The following CTNND2 variants were observed in gnomAD, a reference collection of about 807,000 sequenced individuals.
CTNND2 encodes the protein catenin delta 2, also known as catenin delta-2.
In CTNND2, 22 loss-of-function variants were observed where a neutral mutation model predicts 144.4. That is an observed-to-expected ratio of 0.15 (90% CI 0.11 to 0.22). CTNND2 has a LOEUF of 0.22. Ranked by LOEUF, CTNND2 falls within the 10% of genes least tolerant of loss-of-function variation. The pLI, the probability that CTNND2 is intolerant of heterozygous loss-of-function variation, is 1.00. For synonymous variants in CTNND2, 751 were observed against 695.6 expected (o/e 1.08, Z -1.25); for missense variants, 1,353 against 1,618.8 (o/e 0.84, Z 2.82).
intron 1 of CTNND2, among the ~76,000 whole-genome samples, chr5:11,814,222 A>G (rs1792505784): frequency 6.6e-6 from 1 of 152,248 alleles, no homozygotes; most frequent in Non-Finnish European, 1.5e-5. Flanking sequence ...TTACATAAAT[A>G]TAAAATGCAT....
In CTNND2 at chr5:11,286,118, G is replaced by T. The variant is rs550154744; in HGVS notation, c.1629-49295C>A. On this transcript the variant is annotated intron_variant, in intron 9 of 21. Transcript: ENST00000304623. ...GTTGAAGACATATTTGGGAACAAAT[G>T]TGAAAGGTTAAACTTAAATATTTAA... is the stretch of plus-strand genomic sequence containing the variant. Among the ~76,000 whole-genome samples, 4 of 152,014 alleles carry T rather than the reference G, an allele frequency of 2.6e-5. No homozygotes were observed. The South Asian group carries it at 8.3e-4, about 32-fold the overall frequency.
At chr5:11,629,030 T>C (rs977651163) in intron 2 of CTNND2, among the ~76,000 whole-genome samples, 2 of 152,136 alleles carry the variant, frequency 1.3e-5, no homozygotes, top group East Asian at 1.9e-4. Flanking sequence ...TGACACATAA[T>C]TGGGAGTGCT....
At chr5:11,101,363 GGTA>G (rs1751860767) in intron 14 of CTNND2, among the ~76,000 whole-genome samples, 1 of 152,204 alleles carries the variant, frequency 6.6e-6, no homozygotes, top group South Asian at 2.1e-4. Flanking sequence ...ACATCAACAA[GGTA>G]GTAGGGCAAT....
chr5:11,804,873 G>T (rs1791906917), intron 1 of CTNND2, among the ~76,000 whole-genome samples: 1 of 152,170 alleles, frequency 6.6e-6, no homozygotes, highest in Admixed American at 6.5e-5. Context: ...GGAATCTGAG[G>T]ATGAAATGCC....
intron 1 of CTNND2, among the ~76,000 whole-genome samples, chr5:11,803,479 T>C (rs547818740): frequency 3.3e-5 from 5 of 152,306 alleles, no homozygotes; most frequent in Non-Finnish European, 5.9e-5. Flanking sequence ...CTACTTATGA[T>C]AGGATGACAT....
intron 1 of CTNND2, among the ~76,000 whole-genome samples, chr5:11,822,376 C>T (rs748763614): frequency 3.9e-5 from 6 of 152,112 alleles, no homozygotes; most frequent in African/African-American, 7.2e-5. Context: ...GCAGTGTATG[C>T]GTTTCAAATT....
intron 1 of CTNND2, among the ~76,000 whole-genome samples, chr5:11,743,069 A>G (rs1028631067): frequency 2.0e-5 from 3 of 152,228 alleles, no homozygotes; most frequent in African/African-American, 7.2e-5. Context: ...CGCTTATCAT[A>G]ATATAAACAA....
intron 3 of CTNND2, among the ~76,000 whole-genome samples, chr5:11,487,993 G>C (rs1275738137): frequency 1.3e-5 from 2 of 152,162 alleles, no homozygotes; most frequent in Non-Finnish European, 2.9e-5. Flanking sequence ...AAGATGAACA[G>C]GGAAGATGCA....
intron 19 of CTNND2, 51 bp downstream of exon 19, chr5:10,992,499 CT>C (rs759328574): frequency 5.1e-5 from 83 of 1,611,716 alleles, no homozygotes; most frequent in Non-Finnish European, 6.7e-5. Flanking sequence ...GAAGGACCGT[CT>C]TTGCTCAACG....
At chr5:11,540,003 C>T (rs1183771288) in intron 3 of CTNND2, among the ~76,000 whole-genome samples, 2 of 152,168 alleles carry the variant, frequency 1.3e-5, no homozygotes, top group African/African-American at 4.8e-5. Context: ...CACTGCACTC[C>T]AGCCTGGGCA....
chr5:11,664,715 C>T lies in CTNND2; in HGVS notation c.174+67421G>A, dbSNP rs1333313137. Among the ~76,000 whole-genome samples the T allele has an allele frequency of 2.6e-5, 4 of 152,144 alleles. No individual in the cohort carries two copies. In the East Asian group the frequency reaches 7.7e-4, roughly 29 times the overall value. ...GCCTTCGGGTTGAGATCCTTTTCAT[C>T]TAAATTATTACCTCCAATTCATTTC... On this transcript the variant is annotated intron_variant, in intron 2 of 21. Transcript: ENST00000304623.
At chr5:11,894,468 C>T (rs1328966111) in intron 1 of CTNND2, among the ~76,000 whole-genome samples, 1 of 152,174 alleles carries the variant, frequency 6.6e-6, no homozygotes, top group Non-Finnish European at 1.5e-5. Context: ...TTTACAACCA[C>T]TATGGAAGTG....
At chr5:11,506,186 G>A (rs1208667962) in intron 3 of CTNND2, among the ~76,000 whole-genome samples, 3 of 152,076 alleles carry the variant, frequency 2.0e-5, no homozygotes. Flanking sequence ...TACATATTAG[G>A]GGGCTATCAT....
chr5:11,529,976 C>T (rs7731185), intron 3 of CTNND2, among the ~76,000 whole-genome samples: 33,800 of 150,724 alleles, frequency 0.22, 3,981 homozygotes, highest in East Asian at 0.3. Flanking sequence ...TATAAGATTG[C>T]TTTTTAAAGC....
intron 1 of CTNND2, among the ~76,000 whole-genome samples, chr5:11,793,798 G>A (rs1791260173): frequency 6.6e-6 from 1 of 152,180 alleles, no homozygotes; most frequent in South Asian, 2.1e-4. Context: ...CTCATAGAGT[G>A]ATCAGTCTAT....
rs138831982 is a variant in CTNND2, at chr5:11,245,869, G to A, written c.1629-9046C>T. Among the ~76,000 whole-genome samples the A allele has an allele frequency of 8.9e-3, 1,358 of 152,252 alleles. 33 individuals are homozygous for A. Among genetic ancestry groups the A allele is most frequent in the Admixed American group, 0.042 (650 of 15,298 alleles). ...TCTGATTCCAATTTGGAGAGTCTTC[G>A]ATGTGACTTTTGATTATGAGGCCGA... On this transcript the variant is annotated intron_variant, in intron 9 of 21. Coordinates refer to ENST00000304623, the MANE Select transcript of CTNND2 (RefSeq NM_001332.4).
chr5:11,625,362 G>T (rs1781097630), intron 2 of CTNND2, among the ~76,000 whole-genome samples: 1 of 150,058 alleles, frequency 6.7e-6, no homozygotes, highest in Non-Finnish European at 1.5e-5. Context: ...ACTGATGCTG[G>T]AACAACTGGG....
chr5:11,128,955 A>G (rs1350487697), intron 12 of CTNND2, among the ~76,000 whole-genome samples: 1 of 48,988 alleles, frequency 2.0e-5, no homozygotes. Flanking sequence ...TATAATATAT[A>G]AATATATATA....
chr5:11,861,511 A>G (rs2081901569), intron 1 of CTNND2, among the ~76,000 whole-genome samples: 2 of 152,172 alleles, frequency 1.3e-5, no homozygotes, highest in South Asian at 4.1e-4. Context: ...CATAACCAGA[A>G]GATGATCACC....
Sources: allele counts gnomAD v4.1 joint callset (sites outside exome capture counted in the v4.1 genomes callset), GRCh38; gene constraint gnomAD v4.1.1; transcripts MANE v1.5; gene names NCBI Gene and HGNC (gene_info 2026-07-23, HGNC 2026-07-21).